The following CCDC40 variants were observed in gnomAD, a reference collection of about 807,000 sequenced individuals.
CCDC40 encodes the protein coiled-coil domain-containing protein 40.
CCDC40 carries 104 observed loss-of-function variants against 124.5 expected under a neutral mutation model. The ratio of observed to expected loss-of-function variants is 0.84; its 90% CI spans 0.71 to 0.98. The LOEUF (loss-of-function observed/expected upper bound fraction) is 0.98. CCDC40 is among the 50% of genes least tolerant of loss of function. CCDC40 has a pLI of 0.00. For missense variants in CCDC40, 1,463 were observed against 1,503.9 expected, an observed-to-expected ratio of 0.97 and a Z score of 0.45; for synonymous variants, 580 against 602.9, an observed-to-expected ratio of 0.96 and a Z score of 0.56.
chr17:80,053,733 C>T (rs1001191209), intron 7 of CCDC40, among the ~76,000 whole-genome samples: 1 of 152,196 alleles, frequency 6.6e-6, no homozygotes, highest in Non-Finnish European at 1.5e-5. Flanking sequence ...GCTGGGACTA[C>T]AGGGGCCCGC....
At chr17:80,037,683 T>TA (rs11312279) in intron 1 of CCDC40, among the ~76,000 whole-genome samples, 1 of 44,392 alleles carries the variant, frequency 2.3e-5, no homozygotes, top group African/African-American at 6.1e-5. Flanking sequence ...TTTAATTTTT[T>TA]AAAAAAGATA....
intron 10 of CCDC40, among the ~76,000 whole-genome samples, chr17:80,071,046 G>T (rs1473832954): frequency 1.3e-5 from 2 of 152,178 alleles, no homozygotes; most frequent in Non-Finnish European, 2.9e-5. Context: ...TCCAACGTGG[G>T]TCCCAAAGCT....
At chr17:80,037,688 A>AAAAAAAAAAAAATATATATATAT in intron 1 of CCDC40, among the ~76,000 whole-genome samples, 9 of 45,710 alleles carry the variant, frequency 2.0e-4, no homozygotes, top group African/African-American at 5.3e-4. Flanking sequence ...TTTTTTAAAA[A>AAAAAAAAAAAAATATATATATAT]AGATATACAT....
intron 10 of CCDC40, among the ~76,000 whole-genome samples, chr17:80,077,084 CTACAG>C (rs959625577): frequency 6.6e-6 from 1 of 152,144 alleles, no homozygotes; most frequent in Non-Finnish European, 1.5e-5. Context: ...GCTTGATAGA[CTACAG>C]TAAAGTATGC....
chr17:80,055,147 A>C (rs755933758), intron 7 of CCDC40, among the ~76,000 whole-genome samples: 4 of 152,188 alleles, frequency 2.6e-5, no homozygotes, highest in Non-Finnish European at 4.4e-5. Flanking sequence ...TACCCAGTGG[A>C]AAGACTAGAC....
At chr17:80,072,412 T>C (rs1306946838) in intron 10 of CCDC40, among the ~76,000 whole-genome samples, 3 of 152,186 alleles carry the variant, frequency 2.0e-5, no homozygotes, top group African/African-American at 7.2e-5. Flanking sequence ...CAGGCACACA[T>C]TTCCCCGAGT....
intron 10 of CCDC40, among the ~76,000 whole-genome samples, chr17:80,080,231 T>A (rs1339377949): frequency 6.7e-6 from 1 of 150,134 alleles, no homozygotes; most frequent in Non-Finnish European, 1.5e-5. Flanking sequence ...AAAGGAATGT[T>A]TAAAGTACCG....
chr17:80,045,018 C>T (rs1370493811), intron 3 of CCDC40, among the ~76,000 whole-genome samples: 2 of 152,156 alleles, frequency 1.3e-5, no homozygotes, highest in South Asian at 2.1e-4. Flanking sequence ...GCCACTGCTG[C>T]GCACCCTGGA....
chr17:80,090,334 CGT>C (rs2038694285), intron 17 of CCDC40: 1 of 658,854 alleles, frequency 1.5e-6, no homozygotes, highest in African/African-American at 2.5e-5. Flanking sequence ...CGCGCAGGCA[CGT>C]GCACGAACAA....
chr17:80,091,380 G>A (rs1363826874), intron 17 of CCDC40, among the ~76,000 whole-genome samples: 1 of 151,694 alleles, frequency 6.6e-6, no homozygotes, highest in African/African-American at 2.4e-5. Flanking sequence ...GATTTACTAT[G>A]AGAATTGGCT....
Position 80,095,426 on chromosome 17 carries a change from G to A in CCDC40, c.2996G>A (p.Arg999His), listed in dbSNP as rs201293301. Residue 999 changes from arginine to histidine, a missense_variant, in exon 18 of 20, where the codon CGC becomes CAC. Coordinates refer to ENST00000397545, the MANE Select transcript of CCDC40 (RefSeq NM_017950.4). ...TTCCACCACAAGCAGCTTGAGCTGCGCCGGAAAATCAGGGACGTTCGCAAG... is the reference window on the plus strand; with the variant it reads ...TTCCACCACAAGCAGCTTGAGCTGCACCGGAAAATCAGGGACGTTCGCAAG... ...TDFHHKQLEL[R>H]RKIRDVRKAT... The A allele has an allele frequency of 1.3e-4, 202 of 1,614,180 alleles. No homozygotes were observed. The highest frequency in any genetic ancestry group is 1.6e-4 in the Non-Finnish European group (190 of 1,180,044).
In CCDC40 at chr17:80,087,193, T is replaced by C. The variant is rs2038604466; in HGVS notation, c.2450-414T>C. 2 of 273,338 alleles carry C rather than the reference T, an allele frequency of 7.3e-6. No individual in the cohort carries two copies. The highest frequency in any genetic ancestry group is 1.4e-5 in the Non-Finnish European group (2 of 138,654). 16.9% of individuals were successfully genotyped at this position (273,338 alleles called of 1,614,324 possible). A position where few individuals can be genotyped will look rare whatever the true frequency, so the allele number is the denominator to read the frequency against. ...TGTTTTCTGCCCCTACCCCTGAGCTTGGCTGGGGCAGGGCAGGGGTCTAAG... is the reference window on the plus strand; with the variant it reads ...TGTTTTCTGCCCCTACCCCTGAGCTCGGCTGGGGCAGGGCAGGGGTCTAAG... On this transcript the variant is annotated intron_variant, in intron 14 of 19. Transcript: ENST00000397545. This position sits in a 1 kb window ranked among gnomAD's most constrained non-coding sequence, Gnocchi z 4.5.
chr17:80,068,855 G>C (rs944959969), intron 10 of CCDC40, among the ~76,000 whole-genome samples: 7 of 152,202 alleles, frequency 4.6e-5, no homozygotes, highest in African/African-American at 1.7e-4. Context: ...CTCCACGCTC[G>C]GACTAGCAGA....
At chr17:80,037,634 A>G (rs1213450088) in intron 1 of CCDC40, among the ~76,000 whole-genome samples, 17 of 148,026 alleles carry the variant, frequency 1.1e-4, no homozygotes, top group Admixed American at 4.8e-4. Flanking sequence ...CTCTTTGAAC[A>G]TATCTATATT....
chr17:80,084,989 G>T lies in CCDC40; in HGVS notation c.2235+1G>T, dbSNP rs1568709952. The stretch of plus-strand genomic sequence containing the variant: ...GGAGCGGATGGTCTCCGAGCTGGGG[G>T]TGAGGTCCCAGGCAGGGAGACGTGG... On this transcript the variant is annotated splice_donor_variant, in intron 13 of 19. Transcript: ENST00000397545. LOFTEE classifies it high-confidence loss of function. 1 of 1,613,492 alleles carries T rather than the reference G, an allele frequency of 6.2e-7. No individual in the cohort carries two copies. The highest frequency in any genetic ancestry group is 1.1e-5 in the South Asian group (1 of 91,036).
At position 80,087,773 on chromosome 17, in the gene CCDC40, G is replaced by A. The variant is rs372369514; in HGVS notation, c.2616G>A (p.Leu872=). 13 of 1,613,952 alleles carry A rather than the reference G, an allele frequency of 8.1e-6. No individual in the cohort carries two copies. In the African/African-American group the frequency reaches 1.7e-4, roughly 22 times the overall value. The change falls in exon 15 of 20, where the codon CTG becomes CTA. Residue 872 remains leucine, a synonymous_variant. Transcript: ENST00000397545. The surrounding 1 kb of genome is among the most constrained non-coding windows in gnomAD (Gnocchi z 4.5). ...CAGAGAATGAGTTCGTGCGCTCGCT[G>A]AAGGTCCGGCCGTGTCCACGCAGTC... ...RVTENEFVRS[L]KASERETIKM...
At chr17:80,042,932 T>C (rs549626945) in intron 3 of CCDC40, among the ~76,000 whole-genome samples, 72 of 152,208 alleles carry the variant, frequency 4.7e-4, no homozygotes, top group African/African-American at 1.6e-3. Context: ...TTAAGAAGAC[T>C]GTATTTTCCT....
At position 80,087,993 on chromosome 17, in the gene CCDC40, GCCCCCT is replaced by G; in HGVS notation, c.2620-12_2620-7del. 9.7e-7 allele frequency: 1 copy of G among 1,031,306 alleles called. No homozygotes were observed. Among genetic ancestry groups the G allele is most frequent in the Non-Finnish European group, 1.5e-6 (1 of 670,500 alleles). The allele number at this position is 1,031,306 out of a possible 1,614,324, so 63.9% of individuals were successfully genotyped here. ...CCATGGCCCTCCCCACAGCTGTCCC[GCCCCCT>G]CCCCCATGCAGGCCTCTGAGAGGGA... On this transcript the variant is annotated splice_polypyrimidine_tract_variant and intron_variant, in intron 15 of 19. Coordinates refer to ENST00000397545, the MANE Select transcript of CCDC40 (RefSeq NM_017950.4). The surrounding 1 kb of genome is among the most constrained non-coding windows in gnomAD (Gnocchi z 4.5).
In CCDC40 at chr17:80,086,171, A is replaced by G. The variant is rs746181206; in HGVS notation, c.2404A>G (p.Lys802Glu). Residue 802 changes from lysine (K) to glutamate (E), a missense_variant, in exon 14 of 20, where the codon AAG (lysine) becomes GAG (glutamate). Physicochemically the swap from Lys to Glu is moderately conservative, Grantham distance 56 (BLOSUM62 1). Transcript: ENST00000397545. This position sits in a 1 kb window ranked among gnomAD's most constrained non-coding sequence, Gnocchi z 5.5. ...GCAGCTGGCCTCCCTGGACGCATCCAAGAAGGAGCTCCACATCATGGAGCA... is the reference window on the plus strand; with the variant it reads ...GCAGCTGGCCTCCCTGGACGCATCCGAGAAGGAGCTCCACATCATGGAGCA... ...EEQLASLDAS[K>E]KELHIMEQKK... The G allele has an allele frequency of 6.2e-7, 1 of 1,613,684 alleles. No homozygotes were observed. The highest frequency in any genetic ancestry group is 1.7e-5 in the Admixed American group (1 of 59,950).
Sources: allele counts gnomAD v4.1 joint callset (sites outside exome capture counted in the v4.1 genomes callset), GRCh38; gene constraint gnomAD v4.1.1; non-coding constraint Gnocchi (gnomAD v3.1); transcripts MANE v1.5; gene names NCBI Gene and HGNC (gene_info 2026-07-23, HGNC 2026-07-21).